RERE: variants seen among roughly 807,000 people sequenced by gnomAD.
RERE encodes the protein arginine-glutamic acid dipeptide repeats protein.
A neutral mutation model predicts 146.1 loss-of-function variants in RERE; 40 were observed. The ratio of observed to expected loss-of-function variants is 0.27; its 90% CI spans 0.21 to 0.36. The LOEUF (loss-of-function observed/expected upper bound fraction) is 0.36, where lower values mean the gene tolerates loss of function less well. RERE is among the 10% of genes least tolerant of loss of function. The probability of loss-of-function intolerance (pLI) is 1.00; values close to 1 mark genes in which losing one functional copy is unlikely to be tolerated. For synonymous variants in RERE, 1,003 were observed against 866.0 expected (o/e 1.16, Z -2.78); for missense variants, 1,933 against 2,138.7 (o/e 0.90, Z 1.90).
chr1:8,506,279 G>T lies in RERE; in HGVS notation c.879+2348C>A, dbSNP rs575643419. Reference sequence around the variant, plus strand: ...CACCTAATGGAACACACCAACAAAAGACTCTACTTGAACAAGCAGACACTG... The same window carrying T: ...CACCTAATGGAACACACCAACAAAATACTCTACTTGAACAAGCAGACACTG... On this transcript the variant is annotated intron_variant, in intron 8 of 22. Coordinates refer to ENST00000400908, the MANE Select transcript of RERE (RefSeq NM_001042681.2). Among the ~76,000 whole-genome samples the T allele has an allele frequency of 2.6e-5, 4 of 152,286 alleles. No individual in the cohort carries two copies. The East Asian group carries it at 7.7e-4, about 29-fold the overall frequency.
intron 19 of RERE, among the ~76,000 whole-genome samples, chr1:8,359,357 G>T (rs1176706054): frequency 6.6e-6 from 1 of 152,234 alleles, no homozygotes; most frequent in Non-Finnish European, 1.5e-5. Flanking sequence ...GGGCCACAAA[G>T]GCAGGGCAGC....
chr1:8,557,259 G>A (rs1052685983), intron 5 of RERE, among the ~76,000 whole-genome samples, 159 bp downstream of exon 5: 1 of 152,134 alleles, frequency 6.6e-6, no homozygotes, highest in Non-Finnish European at 1.5e-5. Context: ...CCCACCTCAC[G>A]TGACTAACTG....
chr1:8,629,609 T>C (rs906020658), intron 2 of RERE, among the ~76,000 whole-genome samples: 1 of 152,242 alleles, frequency 6.6e-6, no homozygotes, highest in South Asian at 2.1e-4. Flanking sequence ...AGGCAGTGTG[T>C]CATTATGAAA....
intron 12 of RERE, among the ~76,000 whole-genome samples, chr1:8,377,864 T>C (rs72864297): frequency 0.021 from 3,263 of 152,260 alleles, 131 homozygotes; most frequent in African/African-American, 0.076. Flanking sequence ...CCCGAGGTGA[T>C]AATTGAATGA....
At chr1:8,676,052 G>A (rs548655170) in intron 1 of RERE, among the ~76,000 whole-genome samples, 1 of 151,862 alleles carries the variant, frequency 6.6e-6, no homozygotes, top group Admixed American at 6.6e-5. Context: ...CCATATAAAG[G>A]GTCTATGAAG....
At chr1:8,765,762 G>A (rs1640834097) in intron 1 of RERE, among the ~76,000 whole-genome samples, 1 of 152,176 alleles carries the variant, frequency 6.6e-6, no homozygotes, top group African/African-American at 2.4e-5. Flanking sequence ...GACCATCCTG[G>A]CCAACATGGT....
rs932154102 is a variant in RERE at position 8,570,066 on chromosome 1, C to T, written c.523-12543G>A. Among the ~76,000 whole-genome samples the T allele has an allele frequency of 7.9e-5, 12 of 152,112 alleles. No homozygotes were observed. In the East Asian group the frequency reaches 1.2e-3, roughly 15 times the overall value. On this transcript the variant is annotated intron_variant, in intron 4 of 22. Coordinates refer to ENST00000400908, the MANE Select transcript of RERE (RefSeq NM_001042681.2). ...AAATAAAAAAATTTCTGGCTGGGTG[C>T]GGTGGCTCATGCCTGTAATCCCAGC... is the stretch of plus-strand genomic sequence containing the variant.
intron 1 of RERE, among the ~76,000 whole-genome samples, chr1:8,808,514 T>G (rs1036950882): frequency 6.6e-6 from 1 of 152,186 alleles, no homozygotes; most frequent in African/African-American, 2.4e-5. Flanking sequence ...ATACTTTATA[T>G]GAATTAATTA....
At position 8,721,161 on chromosome 1, in the gene RERE, T is replaced by G. The variant is rs905133025; in HGVS notation, c.-144-64720A>C. 3.3e-5 allele frequency among the ~76,000 whole-genome samples: 5 copies of G among 152,186 alleles called. No homozygotes were observed. The South Asian group carries it at 6.2e-4, about 19-fold the overall frequency. On this transcript the variant is annotated intron_variant, in intron 1 of 22. Transcript: ENST00000400908. The stretch of plus-strand genomic sequence containing the variant: ...CTGGTAAAACTTGGACAGTTAACAC[T>G]GCATTCCTCAGACAACTGGGAGCAC...
At chr1:8,609,078 T>TG (rs1252949044) in intron 4 of RERE, among the ~76,000 whole-genome samples, 14 of 151,926 alleles carry the variant, frequency 9.2e-5, no homozygotes, top group East Asian at 1.9e-4. Context: ...ATTAGCCAGG[T>TG]GTGGTGGCAC....
chr1:8,433,729 T>G (rs1355788888), intron 11 of RERE, among the ~76,000 whole-genome samples: 2 of 151,408 alleles, frequency 1.3e-5, no homozygotes, highest in Non-Finnish European at 2.9e-5. Flanking sequence ...CCCGGCTAAT[T>G]TTTTGTATTT....
intron 1 of RERE, among the ~76,000 whole-genome samples, chr1:8,712,163 C>T (rs1639680572): frequency 6.6e-6 from 1 of 152,190 alleles, no homozygotes; most frequent in Non-Finnish European, 1.5e-5. Context: ...TCAAAAGCCA[C>T]AGATTCGAGA....
At chr1:8,396,564 A>G (rs1387385195) in intron 12 of RERE, among the ~76,000 whole-genome samples, 1 of 152,222 alleles carries the variant, frequency 6.6e-6, no homozygotes, top group Non-Finnish European at 1.5e-5. Context: ...TCAGCCGTCT[A>G]ATAAATCAAG....
chr1:8,668,378 T>C (rs1480004449), intron 1 of RERE, among the ~76,000 whole-genome samples: 1 of 152,162 alleles, frequency 6.6e-6, no homozygotes, highest in Non-Finnish European at 1.5e-5. Context: ...GCTCTGGTCA[T>C]GGGGTCAAGT....
At chr1:8,440,650 G>A (rs112318512) in intron 11 of RERE, among the ~76,000 whole-genome samples, 3,871 of 150,742 alleles carry the variant, frequency 0.026, 183 homozygotes, top group African/African-American at 0.091. Flanking sequence ...CACTTTGGGA[G>A]GCCGAGGCTG....
chr1:8,405,079 C>T (rs1019280077), intron 12 of RERE, among the ~76,000 whole-genome samples: 3 of 151,868 alleles, frequency 2.0e-5, no homozygotes, highest in African/African-American at 7.3e-5. Context: ...ATAAAGTTTT[C>T]GAAGAAAAAG....
intron 12 of RERE, among the ~76,000 whole-genome samples, chr1:8,370,504 T>C (rs1475133827): frequency 6.6e-6 from 1 of 152,194 alleles, no homozygotes; most frequent in African/African-American, 2.4e-5. Context: ...TATGGCAGGT[T>C]ACGTCAATAA....
chr1:8,529,078 A>C (rs1323724688), intron 7 of RERE, among the ~76,000 whole-genome samples: 2 of 152,164 alleles, frequency 1.3e-5, no homozygotes, highest in Admixed American at 1.3e-4. Flanking sequence ...AAAGTTTAAA[A>C]GGTAATAAAA....
intron 1 of RERE, chr1:8,787,021 A>G (rs1381194535): frequency 3.5e-6 from 2 of 568,986 alleles, no homozygotes; most frequent in Non-Finnish European, 6.2e-6. Flanking sequence ...TCTGTCACAC[A>G]CACCTGATGA....
Sources: gnomAD v4.1 joint callset for allele counts (sites outside exome capture counted in the v4.1 genomes callset) on GRCh38, gnomAD v4.1.1 for gene constraint, MANE v1.5 for transcripts, NCBI Gene and HGNC (gene_info 2026-07-23, HGNC 2026-07-21) for gene names.